The following ALK variants were observed in gnomAD, a reference collection of about 807,000 sequenced individuals.
ALK encodes the protein ALK tyrosine kinase receptor.
In ALK, 74 loss-of-function variants were observed where a neutral mutation model predicts 163.1. The observed-to-expected ratio is 0.45, with a 90% CI of 0.38 to 0.55. The LOEUF (loss-of-function observed/expected upper bound fraction) is 0.55. Among genes scored for constraint, ALK ranks in the 20% least tolerant of loss-of-function variants. The probability of loss-of-function intolerance (pLI) is 0.00; values close to 1 mark genes in which losing one functional copy is unlikely to be tolerated. For synonymous variants in ALK, 960 were observed against 843.2 expected, an observed-to-expected ratio of 1.14 and a Z score of -2.40; for missense variants, 2,063 against 2,105.3, an observed-to-expected ratio of 0.98 and a Z score of 0.39.
At chr2:29,454,798 C>T (rs1363292840) in intron 4 of ALK, among the ~76,000 whole-genome samples, 1 of 151,946 alleles carries the variant, frequency 6.6e-6, no homozygotes, top group African/African-American at 2.4e-5. Flanking sequence ...TACATAAGTG[C>T]CTATATACTG....
intron 5 of ALK, among the ~76,000 whole-genome samples, chr2:29,366,165 C>G (rs988239263): frequency 6.6e-6 from 1 of 152,036 alleles, no homozygotes; most frequent in Admixed American, 6.6e-5. Context: ...GGCCCCAAAA[C>G]CTAGATTTGT....
At chr2:29,251,371 C>T in intron 11 of ALK, 104 bp from the exon 12 acceptor site, 4 of 1,228,242 alleles carry the variant, frequency 3.3e-6, no homozygotes, top group Non-Finnish European at 3.5e-6. Flanking sequence ...GCCCCAAACC[C>T]TCCATCCAAG....
intron 4 of ALK, among the ~76,000 whole-genome samples, chr2:29,433,646 G>A (rs1670331248): frequency 6.6e-6 from 1 of 152,026 alleles, no homozygotes; most frequent in South Asian, 2.1e-4. Flanking sequence ...TATGTAACAG[G>A]TAAGCATGGC....
At chr2:29,650,014 C>T (rs549193256) in intron 3 of ALK, among the ~76,000 whole-genome samples, 1 of 152,238 alleles carries the variant, frequency 6.6e-6, no homozygotes, top group South Asian at 2.1e-4. Flanking sequence ...TCCTTAAAAC[C>T]ACAAGGAAGG....
chr2:29,517,865 A>C (rs1478482062), intron 4 of ALK, among the ~76,000 whole-genome samples: 1 of 152,196 alleles, frequency 6.6e-6, no homozygotes, highest in Non-Finnish European at 1.5e-5. Context: ...AAGTGTGTGC[A>C]TGGTGTGTGA....
chr2:29,569,534 C>T (rs1338693344), intron 3 of ALK, among the ~76,000 whole-genome samples: 1 of 150,128 alleles, frequency 6.7e-6, no homozygotes, highest in African/African-American at 2.5e-5. Context: ...AGAACATGCC[C>T]AGTAAATGTG....
intron 1 of ALK, among the ~76,000 whole-genome samples, chr2:29,781,499 T>C (rs1681330389): frequency 6.6e-6 from 1 of 152,130 alleles, no homozygotes. Flanking sequence ...ACACAGCCAA[T>C]GCAATAGGCA....
intron 1 of ALK, among the ~76,000 whole-genome samples, chr2:29,898,721 T>G (rs1179144891): frequency 1.3e-5 from 2 of 152,188 alleles, no homozygotes; most frequent in Non-Finnish European, 2.9e-5. Context: ...CATGGTAAGC[T>G]TTGGGTGTAC....
At chr2:29,722,301 C>T (rs1436690879) in intron 1 of ALK, among the ~76,000 whole-genome samples, 4 of 152,172 alleles carry the variant, frequency 2.6e-5, no homozygotes, top group Non-Finnish European at 5.9e-5. Context: ...TGCGGGACAC[C>T]AGACCCTTCC....
chr2:29,601,526 T>C (rs1675379901), intron 3 of ALK, among the ~76,000 whole-genome samples: 1 of 151,978 alleles, frequency 6.6e-6, no homozygotes, highest in South Asian at 2.1e-4. Flanking sequence ...TACTAACGGC[T>C]CCATTAATCT....
At chr2:29,893,401 T>G (rs150095232) in intron 1 of ALK, among the ~76,000 whole-genome samples, 22 of 152,294 alleles carry the variant, frequency 1.4e-4, no homozygotes, top group African/African-American at 5.3e-4. Context: ...TCCCAATTCA[T>G]TCCATTATTC....
intron 3 of ALK, among the ~76,000 whole-genome samples, chr2:29,634,757 G>A (rs915499021): frequency 6.6e-6 from 1 of 152,154 alleles, no homozygotes; most frequent in African/African-American, 2.4e-5. Context: ...AGTACTGGAA[G>A]TTATAGTCAG....
intron 3 of ALK, among the ~76,000 whole-genome samples, chr2:29,634,491 T>C (rs1676467743): frequency 6.6e-6 from 1 of 152,116 alleles, no homozygotes; most frequent in Non-Finnish European, 1.5e-5. Context: ...TCAATCAATA[T>C]AATGTACCAT....
chr2:29,400,362 T>G (rs1279742810), intron 4 of ALK, among the ~76,000 whole-genome samples: 2 of 152,186 alleles, frequency 1.3e-5, no homozygotes, highest in Non-Finnish European at 2.9e-5. Context: ...TGGGACACAA[T>G]AGCTTAGCCC....
At chr2:29,526,224 G>A (rs188109150) in intron 4 of ALK, among the ~76,000 whole-genome samples, 148 of 152,246 alleles carry the variant, frequency 9.7e-4, no homozygotes, top group Middle Eastern at 3.4e-3. Flanking sequence ...CGACAACCCC[G>A]TGAGTGGCAC....
At chr2:29,406,224 G>T (rs79526819) in intron 4 of ALK, among the ~76,000 whole-genome samples, 53 of 152,114 alleles carry the variant, frequency 3.5e-4, no homozygotes, top group African/African-American at 1.1e-3. Flanking sequence ...AGTCTGGGGC[G>T]GCCTCTATAG....
chr2:29,708,395 G>A (rs1318338428), intron 2 of ALK, among the ~76,000 whole-genome samples: 1 of 152,160 alleles, frequency 6.6e-6, no homozygotes, highest in African/African-American at 2.4e-5. Flanking sequence ...AGGCAATGCA[G>A]AGGTGAGTTA....
intron 5 of ALK, among the ~76,000 whole-genome samples, chr2:29,361,214 C>G (rs1668380894): frequency 6.6e-6 from 1 of 152,206 alleles, no homozygotes; most frequent in African/African-American, 2.4e-5. Context: ...GGGCATAAAC[C>G]AATTGTTAAA....
chr2:29,453,530 C>A (rs760554342), intron 4 of ALK, among the ~76,000 whole-genome samples: 2 of 152,102 alleles, frequency 1.3e-5, no homozygotes, highest in Non-Finnish European at 2.9e-5. Flanking sequence ...GCCACCGGAC[C>A]TGGCCTAAAA....
Sources: gnomAD v4.1 joint callset for allele counts (sites outside exome capture counted in the v4.1 genomes callset) on GRCh38, gnomAD v4.1.1 for gene constraint, MANE v1.5 for transcripts, NCBI Gene and HGNC (gene_info 2026-07-23, HGNC 2026-07-21) for gene names.